Variants in TRPM7 observed in about 807,000 individuals in gnomAD.
TRPM7 encodes LTRPC ion channel family member 7.
A neutral mutation model predicts 229.7 loss-of-function variants in TRPM7; 134 were observed. The ratio of observed to expected loss-of-function variants is 0.58; its 90% CI spans 0.51 to 0.67. The LOEUF is 0.67. Among genes scored for constraint, TRPM7 ranks in the 30% least tolerant of loss-of-function variants. TRPM7 has a pLI of 0.00. For missense variants in TRPM7, 1,901 were observed against 2,210.0 expected (o/e 0.86, Z 2.80); for synonymous variants, 699 against 715.2 (o/e 0.98, Z 0.36).
intron 7 of TRPM7, among the ~76,000 whole-genome samples, chr15:50,636,159 G>T (rs1487835852): frequency 6.6e-6 from 1 of 150,530 alleles, no homozygotes; most frequent in African/African-American, 2.4e-5. Context: ...AAAAAAAAAG[G>T]TATCTGTAGG....
intron 16 of TRPM7, among the ~76,000 whole-genome samples, chr15:50,611,762 TGTTAAAGA>T (rs1345814912): frequency 5.9e-5 from 9 of 152,230 alleles, no homozygotes; most frequent in Non-Finnish European, 1.3e-4. Flanking sequence ...ATAGGATCCC[TGTTAAAGA>T]GTTATTTTCA....
Position 50,638,358 on chromosome 15 carries a change from CAAAAAAAAAAAAAAAAAAAAAAAA to C in TRPM7, c.661-789_661-766del, listed in dbSNP as rs60939201. ...TGGGCGACAGAGCGAGACTCCGTCT[CAAAAAAAAAAAAAAAAAAAAAAAA>C]AAAAAAAAAAAAAAAAATTAGATGG... is the stretch of plus-strand genomic sequence containing the variant. On this transcript the variant is annotated intron_variant, in intron 6 of 38. Transcript: ENST00000646667. Among the ~76,000 whole-genome samples, 25 of 42,270 alleles carry C rather than the reference CAAAAAAAAAAAAAAAAAAAAAAAA, an allele frequency of 5.9e-4. 2 individuals carry two copies. Among genetic ancestry groups the C allele is most frequent in the Admixed American group, 3.9e-3 (12 of 3,052 alleles). 27.7% of individuals were successfully genotyped at this position (42,270 alleles called of 152,430 possible).
intron 11 of TRPM7, among the ~76,000 whole-genome samples, chr15:50,627,050 G>A (rs58029369): frequency 0.03 from 4,533 of 152,154 alleles, 247 homozygotes; most frequent in African/African-American, 0.1. Flanking sequence ...TTTGTCCTCC[G>A]TAAAGGCTGG....
Position 50,586,468 on chromosome 15 carries a change from G to T in TRPM7, c.4410C>A (p.Asn1470Lys). Reference sequence around the variant, plus strand: ...CAAGAGAACTCACTCGTTTCAAAGTGTTTTCAGAAGTATTGTTATTCTGCA... The same window carrying T: ...CAAGAGAACTCACTCGTTTCAAAGTTTTTTCAGAAGTATTGTTATTCTGCA... ...KILSNNNTSE[N>K]TLKRVSSLAG... The change falls in exon 28 of 39, where the codon AAC becomes AAA. Residue 1470 changes from asparagine (N) to lysine (K), a missense_variant. Physicochemically the swap from Asn to Lys is moderately conservative, Grantham distance 94. Around this residue, in one of 8 missense-constraint regions of TRPM7, gnomAD observed 533 missense variants for 497.1 expected, o/e 1.07. Transcript: ENST00000646667. The T allele has an allele frequency of 6.2e-7, 1 of 1,611,134 alleles. No individual in the cohort carries two copies. The highest frequency in any genetic ancestry group is 8.5e-7 in the Non-Finnish European group (1 of 1,177,680).
chr15:50,580,313 C>T (rs1035156587), intron 30 of TRPM7, among the ~76,000 whole-genome samples: 1 of 152,024 alleles, frequency 6.6e-6, no homozygotes, highest in African/African-American at 2.4e-5. Flanking sequence ...ACCCTTATGT[C>T]TAATATGTAC....
chr15:50,605,113 T>C lies in TRPM7; in HGVS notation c.2741A>G (p.Gln914Arg). ...IFMSEAGKVN[Q>R]KIKVWFSDYF... ...ATCACTAAACCATACTTTAATCTTC[T>C]GGTTTACTTTCCCAGCTTCAGACAT... Residue 914 changes from glutamine to arginine, a missense_variant, in exon 21 of 39, where the codon CAG (glutamine) becomes CGG (arginine). Around this residue, in one of 8 missense-constraint regions of TRPM7, gnomAD observed 207 missense variants for 241.5 expected, o/e 0.86. Transcript: ENST00000646667. 1 of 1,604,040 alleles carries C rather than the reference T, an allele frequency of 6.2e-7. No homozygotes were observed. Among genetic ancestry groups the C allele is most frequent in the Non-Finnish European group, 8.5e-7 (1 of 1,176,242 alleles).
At chr15:50,647,432 A>G (rs1405618160) in intron 4 of TRPM7, among the ~76,000 whole-genome samples, 1 of 151,442 alleles carries the variant, frequency 6.6e-6, no homozygotes, top group Non-Finnish European at 1.5e-5. Flanking sequence ...TGCCTGACCT[A>G]TAATATTCTT....
chr15:50,585,548 T>G (rs1168915021), intron 28 of TRPM7, among the ~76,000 whole-genome samples: 3 of 152,226 alleles, frequency 2.0e-5, no homozygotes, highest in Admixed American at 2.0e-4. Context: ...GTTAACCAAA[T>G]CAGCTGTTAA....
intron 1 of TRPM7, among the ~76,000 whole-genome samples, chr15:50,672,155 G>A (rs141213282): frequency 0.03 from 4,549 of 152,082 alleles, 247 homozygotes; most frequent in African/African-American, 0.1. Flanking sequence ...CCGGGTTCAC[G>A]CCATTCTCCT....
At chr15:50,568,186 TAA>T in intron 38 of TRPM7, among the ~76,000 whole-genome samples, 1 of 148,536 alleles carries the variant, frequency 6.7e-6, no homozygotes, top group East Asian at 2.0e-4. Flanking sequence ...ACAAAATCCT[TAA>T]AGTTAACATC....
At chr15:50,630,058 C>T (rs893020089) in intron 10 of TRPM7, among the ~76,000 whole-genome samples, 3 of 151,984 alleles carry the variant, frequency 2.0e-5, no homozygotes, top group South Asian at 4.1e-4. Context: ...GACGAGGTTT[C>T]GCCATGTTGG....
Position 50,612,669 on chromosome 15 carries a change from T to C in TRPM7, c.1931A>G (p.His644Arg), listed in dbSNP as rs373267499. ...TGCTTTAGCCATTGATTCTTCACCA[T>C]GTTGCCATAAAAAACGGGCCATGAC... is the stretch of plus-strand genomic sequence containing the variant. The part of the protein sequence containing the change: ...RQVMARFLWQ[H>R]GEESMAKALV... The change falls in exon 16 of 39, where the codon CAT (histidine) becomes CGT (arginine). Residue 644 changes from histidine (H) to arginine (R), a missense_variant. This residue lies in a region of TRPM7 where 794 missense variants were observed against 881.9 expected (regional missense o/e 0.90). Transcript: ENST00000646667. 4 of 1,614,148 alleles carry C rather than the reference T, an allele frequency of 2.5e-6. No individual in the cohort carries two copies. Among genetic ancestry groups the C allele is most frequent in the Non-Finnish European group, 3.4e-6 (4 of 1,180,006 alleles).
intron 3 of TRPM7, 64 bp from the exon 4 acceptor site, chr15:50,648,949 T>G: frequency 2.3e-6 from 3 of 1,303,640 alleles, no homozygotes; most frequent in Non-Finnish European, 3.1e-6. Flanking sequence ...AAAATGGAAT[T>G]AAAAGTGAAT....
chr15:50,596,098 T>A (rs1426046512), intron 23 of TRPM7, among the ~76,000 whole-genome samples, 157 bp downstream of exon 23: 1 of 152,138 alleles, frequency 6.6e-6, no homozygotes, highest in Non-Finnish European at 1.5e-5. Context: ...CTCATTTGAT[T>A]AGAAAAAGCA....
rs138330275 is a variant in TRPM7, at chr15:50,644,554, G to A, written c.322-1001C>T. On this transcript the variant is annotated intron_variant, in intron 4 of 38. Transcript: ENST00000646667. ...ACAGTGGCTCACGCCTGTAATCCCA[G>A]CACTGTGGGAGGCCAAGGCAAGTGG... is the stretch of plus-strand genomic sequence containing the variant. Among the ~76,000 whole-genome samples the A allele has an allele frequency of 8.6e-3, 1,313 of 152,272 alleles. 22 individuals are homozygous for A. The highest frequency in any genetic ancestry group is 0.03 in the African/African-American group (1,245 of 41,546).
chr15:50,602,122 T>TG (rs1430986084), intron 21 of TRPM7, among the ~76,000 whole-genome samples: 2 of 152,034 alleles, frequency 1.3e-5, no homozygotes, highest in African/African-American at 4.8e-5. Context: ...AGCAAAGACT[T>TG]GGAACCAACC....
At chr15:50,599,946 C>T (rs1207313474) in intron 21 of TRPM7, among the ~76,000 whole-genome samples, 1 of 152,104 alleles carries the variant, frequency 6.6e-6, no homozygotes, top group Admixed American at 6.5e-5. Context: ...CAAAAAGGGC[C>T]TAATTGAGCT....
intron 3 of TRPM7, among the ~76,000 whole-genome samples, chr15:50,656,989 T>C (rs2061591323): frequency 6.6e-6 from 1 of 152,184 alleles, no homozygotes; most frequent in African/African-American, 2.4e-5. Flanking sequence ...AACTGGTCTA[T>C]TTTCTTCCAA....
At chr15:50,568,497 C>A (rs3109888) in intron 38 of TRPM7, among the ~76,000 whole-genome samples, 55,767 of 151,928 alleles carry the variant, frequency 0.37, 11,040 homozygotes, top group Admixed American at 0.49. Context: ...ATTTTAAAAA[C>A]TAGTACCATT....
Sources: allele counts gnomAD v4.1 joint callset (sites outside exome capture counted in the v4.1 genomes callset), GRCh38; gene constraint gnomAD v4.1.1; regional missense constraint gnomAD v4.1.1; transcripts MANE v1.5; gene names NCBI Gene and HGNC (gene_info 2026-07-23, HGNC 2026-07-21).